Variants in KRT86 observed in about 807,000 individuals in gnomAD.
KRT86 encodes the protein keratin, type II cuticular Hb6.
In KRT86, 30 loss-of-function variants were observed where a neutral mutation model predicts 41.2. The ratio of observed to expected loss-of-function variants is 0.73; its 90% CI spans 0.54 to 0.99. KRT86 has a LOEUF of 0.99. Among genes scored for constraint, KRT86 ranks in the 50% least tolerant of loss-of-function variants. The pLI, the probability that KRT86 is intolerant of heterozygous loss-of-function variation, is 0.00. For missense variants in KRT86, 561 were observed against 571.4 expected (o/e 0.98, Z 0.19); for synonymous variants, 238 against 238.1 (o/e 1.00, Z 0.00).
In KRT86 at chr12:52,308,154, C is replaced by T. The variant is rs1938559167; in HGVS notation, c.1248-79C>T. On this transcript the variant is annotated intron_variant, in intron 9 of 10. Coordinates refer to ENST00000423955, the MANE Select transcript of KRT86 (RefSeq NM_001320198.2). ...GGGCAAGTGCCCAGATGGAGGGCCACAGATGTCCCCCTCCACTTCAGTCAC... is the reference window on the plus strand; with the variant it reads ...GGGCAAGTGCCCAGATGGAGGGCCATAGATGTCCCCCTCCACTTCAGTCAC... 6.9e-6 allele frequency: 11 copies of T among 1,592,770 alleles called. No individual in the cohort carries two copies. The South Asian group carries it at 1.2e-4, about 18-fold the overall frequency.
rs748655954 is a variant in KRT86 at position 52,308,498 on chromosome 12, C to T, written c.1374C>T (p.Ser458=). ...CCACCAGAGTCAGTAGCGTCCCCAGCAACAGCAACGTGGTGGTGGGCACTA... is the reference window on the plus strand; with the variant it reads ...CCACCAGAGTCAGTAGCGTCCCCAGTAACAGCAACGTGGTGGTGGGCACTA... ...VVSTRVSSVP[S]NSNVVVGTTN... is the part of the protein sequence containing the mutation. Residue 458 remains serine (S), a synonymous_variant, in exon 11 of 11, where the codon AGC becomes AGT. Transcript: ENST00000423955. The T allele has an allele frequency of 7.5e-6, 12 of 1,608,630 alleles. No individual in the cohort carries two copies. Among genetic ancestry groups the T allele is most frequent in the Non-Finnish European group, 1.0e-5 (12 of 1,179,902 alleles).
rs1024754344 is a variant in KRT86 at position 52,277,826 on chromosome 12, A to G, written c.-5+1880A>G. ...GCTCATCAGCCAGGGAAGGGTGGAG[A>G]GAGATGACCTAGGTATCCAGGAACT... is the stretch of plus-strand genomic sequence containing the variant. On this transcript the variant is annotated intron_variant, in intron 2 of 10. Transcript: ENST00000423955. 3.9e-5 allele frequency: 6 copies of G among 152,296 alleles called. No homozygotes were observed. The East Asian group carries it at 1.2e-3, about 29-fold the overall frequency. The allele number at this position is 152,296 out of a possible 1,614,324, so 9.4% of individuals were successfully genotyped here. A position where few individuals can be genotyped will look rare whatever the true frequency, so the allele number is the denominator to read the frequency against.
At chr12:52,276,562 T>G (rs932164660) in intron 2 of KRT86, among the ~76,000 whole-genome samples, 7 of 145,984 alleles carry the variant, frequency 4.8e-5, no homozygotes, top group African/African-American at 1.5e-4. Context: ...GCTGAGTCAA[T>G]GTCGCCAGAG....
chr12:52,287,431 C>T, intron 2 of KRT86: 2 of 1,569,896 alleles, frequency 1.3e-6, no homozygotes, highest in Non-Finnish European at 1.7e-6. Flanking sequence ...AGAACAGAGC[C>T]TCTTGCCTTT....
At chr12:52,286,099 G>C (rs1288111598) in intron 2 of KRT86, 5 of 705,890 alleles carry the variant, frequency 7.1e-6, no homozygotes, top group Non-Finnish European at 1.2e-5. Context: ...GCCCAGAAGT[G>C]GGGGATCACA....
At chr12:52,297,369 C>G (rs1442537499) in intron 2 of KRT86, among the ~76,000 whole-genome samples, 1 of 152,188 alleles carries the variant, frequency 6.6e-6, no homozygotes, top group African/African-American at 2.4e-5. Flanking sequence ...TTCCTTCCTC[C>G]TCTTAATGCC....
chr12:52,286,177 T>C (rs1937921844), intron 2 of KRT86: 3 of 1,200,248 alleles, frequency 2.5e-6, no homozygotes, highest in Non-Finnish European at 3.6e-6. Context: ...GAGCACTTGC[T>C]CCAGGCGCCT....
intron 2 of KRT86, chr12:52,287,894 C>A (rs1470171086): frequency 3.1e-6 from 5 of 1,609,176 alleles, no homozygotes; most frequent in African/African-American, 1.3e-5. Context: ...CCCTAGGGAC[C>A]AGCATCCCCA....
rs1361167547 is a variant in KRT86, at chr12:52,305,334, A to C, written c.830A>C (p.Glu277Ala). 6.2e-7 allele frequency: 1 copy of C among 1,614,226 alleles called. No individual in the cohort carries two copies. The highest frequency in any genetic ancestry group is 8.5e-7 in the Non-Finnish European group (1 of 1,180,044). Residue 277 changes from glutamate (E) to alanine (A), a missense_variant, in exon 7 of 11, where the codon GAG becomes GCG. By Grantham distance (107) the Glu-to-Ala change is moderately radical. Transcript: ENST00000423955. ...RDLNMDCIIA[E>A]IKAQYDDIVT... ...CTGAACATGGACTGCATCATTGCCGAGATCAAGGCACAGTACGATGACATT... is the reference window on the plus strand; with the variant it reads ...CTGAACATGGACTGCATCATTGCCGCGATCAAGGCACAGTACGATGACATT...
In KRT86 at chr12:52,291,428, C is replaced by A. The variant is rs749936395; in HGVS notation, c.-4-10485C>A. The A allele has an allele frequency of 4.3e-6, 7 of 1,612,392 alleles. 1 individual carries two copies. The highest frequency in any genetic ancestry group is 1.7e-4 in the Middle Eastern group (1 of 6,052). ...CCGCGGCCCGCAGGCCGAGATGCAG[C>A]TGAAGGCGCGCCCACCAAATCCTGA... On this transcript the variant is annotated intron_variant, in intron 2 of 10. Transcript: ENST00000423955.
chr12:52,285,810 C>A (rs1937909269), intron 2 of KRT86: 2 of 226,710 alleles, frequency 8.8e-6, no homozygotes, highest in Non-Finnish European at 8.9e-6. Context: ...GAAAACTGTA[C>A]TGGAGACCCT....
intron 2 of KRT86, among the ~76,000 whole-genome samples, chr12:52,283,813 G>A (rs1937839790): frequency 6.6e-6 from 1 of 151,208 alleles, no homozygotes; most frequent in South Asian, 2.1e-4. Context: ...GATACACTAA[G>A]GCCCAGAGAT....
At chr12:52,307,462 T>G (rs1565751059) in intron 9 of KRT86, among the ~76,000 whole-genome samples, 2 of 152,238 alleles carry the variant, frequency 1.3e-5, no homozygotes, top group Non-Finnish European at 2.9e-5. Context: ...TTCTCTTATC[T>G]GAAGCTGATT....
chr12:52,291,135 T>G, intron 2 of KRT86: 1 of 979,086 alleles, frequency 1.0e-6, no homozygotes, highest in Non-Finnish European at 1.4e-6. Context: ...TTGAGGGACT[T>G]GATCTGCTCC....
Position 52,306,220 on chromosome 12 carries a change from A to C in KRT86, c.1187A>C (p.Lys396Thr). ...GAGTACCAGGAGGTGATGAACTCCA[A>C]GCTGGGCCTGGACATCGAGATCGCC... ...IREYQEVMNS[K>T]LGLDIEIATY... Residue 396 changes from lysine (K) to threonine (T), a missense_variant, in exon 9 of 11, where the codon AAG becomes ACG. Lys to Thr is a moderately conservative substitution (Grantham distance 78). Around this residue, in one of 3 missense-constraint regions of KRT86, gnomAD observed 397 missense variants for 375.9 expected, o/e 1.06. Transcript: ENST00000423955. 1 of 1,613,730 alleles carries C rather than the reference A, an allele frequency of 6.2e-7. No individual in the cohort carries two copies. Among genetic ancestry groups the C allele is most frequent in the Non-Finnish European group, 8.5e-7 (1 of 1,180,024 alleles).
intron 2 of KRT86, among the ~76,000 whole-genome samples, chr12:52,284,295 C>A (rs1434424136): frequency 6.6e-6 from 1 of 152,192 alleles, no homozygotes; most frequent in Non-Finnish European, 1.5e-5. Context: ...TGGGCTCAAG[C>A]TGTCCTGCTT....
rs529646026 is a variant in KRT86, at chr12:52,287,848, C to A, written c.-5+11902C>A. The A allele has an allele frequency of 3.6e-4, 581 of 1,601,988 alleles. 1 individual carries two copies. The African/African-American group carries it at 7.4e-3, about 20-fold the overall frequency. The stretch of plus-strand genomic sequence containing the variant: ...GCCACACATGGCAGTCCTGCCCTGC[C>A]ACCCCAACCTCAGATTGGCAGCCCT... On this transcript the variant is annotated intron_variant, in intron 2 of 10. Coordinates refer to ENST00000423955, the MANE Select transcript of KRT86 (RefSeq NM_001320198.2).
At position 52,308,446 on chromosome 12, in the gene KRT86, G is replaced by C. The variant is rs773044010; in HGVS notation, c.1322G>C (p.Cys441Ser). The C allele has an allele frequency of 6.2e-7, 1 of 1,611,964 alleles. No homozygotes were observed. ...GGTGGCGTTGTCTGTGGCGATCTCT[G>C]CGCCTCCACTACTGCCCCTGTTGTC... ...SRGGVVCGDL[C>S]ASTTAPVVST... is the part of the protein sequence containing the mutation. Residue 441 changes from cysteine (C) to serine (S), a missense_variant, in exon 11 of 11, where the codon TGC becomes TCC. By Grantham distance (112) the Cys-to-Ser change is moderately radical. Around this residue, in one of 3 missense-constraint regions of KRT86, gnomAD observed 397 missense variants for 375.9 expected, o/e 1.06. Transcript: ENST00000423955.
At chr12:52,286,420 A>G in intron 2 of KRT86, 1 of 1,553,350 alleles carries the variant, frequency 6.4e-7, no homozygotes, top group Non-Finnish European at 8.7e-7. Flanking sequence ...CGCTGCAGAC[A>G]CTGCCAGTCA....
Sources: allele counts gnomAD v4.1 joint callset (sites outside exome capture counted in the v4.1 genomes callset), GRCh38; gene constraint gnomAD v4.1.1; regional missense constraint gnomAD v4.1.1; transcripts MANE v1.5; gene names NCBI Gene and HGNC (gene_info 2026-07-23, HGNC 2026-07-21).